TRRAP: variants seen among roughly 807,000 people sequenced by gnomAD.
TRRAP encodes transformation/transcription domain-associated protein.
TRRAP carries 41 observed loss-of-function variants against 438.8 expected under a neutral mutation model. The observed-to-expected ratio is 0.09, with a 90% CI of 0.07 to 0.12. The LOEUF is 0.12. TRRAP is among the 10% of genes least tolerant of loss of function. TRRAP has a pLI of 1.00. For synonymous variants in TRRAP, 1,994 were observed against 1,962.9 expected (o/e 1.02, Z -0.42); for missense variants, 3,122 against 5,055.1 (o/e 0.62, Z 11.60).
intron 3 of TRRAP, among the ~76,000 whole-genome samples, chr7:98,886,282 T>C (rs1795689871): frequency 6.6e-6 from 1 of 151,972 alleles, no homozygotes; most frequent in Non-Finnish European, 1.5e-5. Flanking sequence ...AATATATCTA[T>C]ATCTATATCT....
intron 6 of TRRAP, 55 bp from the exon 7 acceptor site, chr7:98,895,709 G>T: frequency 7.1e-7 from 1 of 1,413,048 alleles, no homozygotes; most frequent in Non-Finnish European, 9.7e-7. Context: ...TATTTATTAT[G>T]GGTATTTTCT....
chr7:98,913,654 A>G (rs1789382513), intron 18 of TRRAP, among the ~76,000 whole-genome samples: 1 of 152,128 alleles, frequency 6.6e-6, no homozygotes, highest in African/African-American at 2.4e-5. Context: ...ACATTTCAGG[A>G]CTATTTCTTT....
intron 7 of TRRAP, among the ~76,000 whole-genome samples, chr7:98,897,477 A>G (rs1160194191): frequency 6.6e-6 from 1 of 152,200 alleles, no homozygotes; most frequent in Non-Finnish European, 1.5e-5. Context: ...TTGAAGATGG[A>G]GAACATGGTC....
intron 3 of TRRAP, 103 bp downstream of exon 3, chr7:98,882,127 G>A (rs1795470500): frequency 5.0e-6 from 5 of 993,070 alleles, no homozygotes; most frequent in Non-Finnish European, 7.4e-6. Flanking sequence ...AAAGATCATT[G>A]TCTTTGTTCA....
chr7:98,958,645 A>G (rs1791738877), intron 44 of TRRAP, among the ~76,000 whole-genome samples: 1 of 152,200 alleles, frequency 6.6e-6, no homozygotes, highest in East Asian at 1.9e-4. Flanking sequence ...AGTGGTAATA[A>G]AATAATGATG....
intron 33 of TRRAP, among the ~76,000 whole-genome samples, chr7:98,947,698 C>T (rs1791148911): frequency 6.6e-6 from 1 of 152,172 alleles, no homozygotes; most frequent in Non-Finnish European, 1.5e-5. Flanking sequence ...TCAGGTGATC[C>T]ACCCGCCTCA....
chr7:99,008,525 T>G lies in TRRAP; in HGVS notation c.10902T>G (p.Ala3634=), dbSNP rs759133641. The G allele has an allele frequency of 1.9e-6, 3 of 1,613,908 alleles. No individual in the cohort carries two copies. In the African/African-American group the frequency reaches 4.0e-5, roughly 22 times the overall value. ...TCTCCCGTTACTATGACCGGCTGGC[T>G]ACGGTGCAGGCGCGGGGAACCCAAG... ...NPISRYYDRL[A]TVQARGTQAS... Residue 3634 remains alanine, a synonymous_variant, in exon 70 of 73, where the codon GCT becomes GCG. Coordinates refer to ENST00000456197, the MANE Select transcript of TRRAP (RefSeq NM_001375524.1).
Position 98,984,058 on chromosome 7 carries a change from G to T in TRRAP, c.9023-35G>T, listed in dbSNP as rs199850040. 20 of 1,532,136 alleles carry T rather than the reference G, an allele frequency of 1.3e-5. No homozygotes were observed. In the East Asian group the frequency reaches 4.6e-4, roughly 35 times the overall value. 94.9% of individuals were successfully genotyped at this position (1,532,136 alleles called of 1,614,324 possible). A position where few individuals can be genotyped will look rare whatever the true frequency, so the allele number is the denominator to read the frequency against. ...TTGTGAAGTGCTTTGAAAGAGGATC[G>T]GTGTGGGCTAATGATTCCTTTCTTT... On this transcript the variant is annotated intron_variant, in intron 60 of 72. Transcript: ENST00000456197.
chr7:98,979,058 C>G (rs1792793302), intron 58 of TRRAP, among the ~76,000 whole-genome samples, 154 bp downstream of exon 58: 1 of 152,208 alleles, frequency 6.6e-6, no homozygotes, highest in Non-Finnish European at 1.5e-5. Flanking sequence ...TAACACCTTT[C>G]CTGAATTTGA....
At chr7:99,006,049 C>A (rs1794150178) in intron 69 of TRRAP, among the ~76,000 whole-genome samples, 1 of 152,228 alleles carries the variant, frequency 6.6e-6, no homozygotes, top group Non-Finnish European at 1.5e-5. Flanking sequence ...TCGGGAAAGT[C>A]TAGCTGCCCT....
chr7:98,957,017 G>A (rs375068437), intron 43 of TRRAP, among the ~76,000 whole-genome samples: 8 of 152,196 alleles, frequency 5.3e-5, no homozygotes, highest in South Asian at 2.1e-4. Flanking sequence ...TTCTGGCTTC[G>A]TAGGCCTGAG....
In TRRAP at chr7:98,976,266, C is replaced by T. The variant is rs1213436487; in HGVS notation, c.7957C>T (p.His2653Tyr). 1.2e-6 allele frequency: 2 copies of T among 1,614,012 alleles called. No homozygotes were observed. Among genetic ancestry groups the T allele is most frequent in the African/African-American group, 2.7e-5 (2 of 74,934 alleles). The change falls in exon 54 of 73, where the codon CAT becomes TAT. Residue 2653 changes from histidine to tyrosine, a missense_variant and splice_region_variant. His to Tyr is a moderately conservative substitution (Grantham distance 83). Coordinates refer to ENST00000456197, the MANE Select transcript of TRRAP (RefSeq NM_001375524.1). This position sits in a 1 kb window ranked among gnomAD's most constrained non-coding sequence, Gnocchi z 4.6. ...LWKILSDRQQ[H>Y]ALAGEISPFL... ...GAAGATCCTCTCTGACAGACAGCAG[C>T]ATGTGAGTGTATCTTTAAAATCCTG...
intron 12 of TRRAP, among the ~76,000 whole-genome samples, chr7:98,905,860 G>C (rs1796703559): frequency 6.6e-6 from 1 of 152,174 alleles, no homozygotes; most frequent in Admixed American, 6.5e-5. Flanking sequence ...TTTAAGGATG[G>C]TGGGATGTGC....
rs886905851 is a variant in TRRAP at position 98,994,425 on chromosome 7, G to A, written c.10048-162G>A. ...CCCATGTGGCATGCACAGGCGTCCC[G>A]TTTCTTGCACACGCCGATTTCATGC... On this transcript the variant is annotated intron_variant, in intron 66 of 72. Transcript: ENST00000456197. This position sits in a 1 kb window ranked among gnomAD's most constrained non-coding sequence, Gnocchi z 4.8. Among the ~76,000 whole-genome samples the A allele has an allele frequency of 6.6e-6, 1 of 152,200 alleles. No individual in the cohort carries two copies. Among genetic ancestry groups the A allele is most frequent in the African/African-American group, 2.4e-5 (1 of 41,464 alleles).
chr7:98,951,083 G>GTT, intron 39 of TRRAP, 79 bp downstream of exon 39: 1 of 1,320,858 alleles, frequency 7.6e-7, no homozygotes, highest in Non-Finnish European at 9.8e-7. Context: ...GTGTGTGTGT[G>GTT]TGTGTGTGTG....
At chr7:98,892,842 T>C (rs1340708392) in intron 5 of TRRAP, among the ~76,000 whole-genome samples, 1 of 152,226 alleles carries the variant, frequency 6.6e-6, no homozygotes, top group Non-Finnish European at 1.5e-5. Context: ...GTTCTTTCCG[T>C]GTGTATCTCC....
intron 52 of TRRAP, among the ~76,000 whole-genome samples, chr7:98,971,552 C>CA (rs562247133): frequency 6.6e-5 from 10 of 152,252 alleles, no homozygotes; most frequent in South Asian, 6.2e-4. Flanking sequence ...GTGCTTTTGA[C>CA]AAAAAACCCA....
intron 30 of TRRAP, among the ~76,000 whole-genome samples, chr7:98,942,570 A>G (rs1790843730): frequency 6.6e-6 from 1 of 152,344 alleles, no homozygotes; most frequent in Non-Finnish European, 1.5e-5. Flanking sequence ...GGGCTCCGCA[A>G]GGAGAGGGAC....
At chr7:98,897,698 G>A in intron 7 of TRRAP, 43 bp from the exon 8 acceptor site, 1 of 1,518,264 alleles carries the variant, frequency 6.6e-7, no homozygotes, top group South Asian at 1.2e-5. Flanking sequence ...AATGAATATT[G>A]GGTTTGACTT....
Sources: gnomAD v4.1 joint callset for allele counts (sites outside exome capture counted in the v4.1 genomes callset) on GRCh38, gnomAD v4.1.1 for gene constraint, Gnocchi (gnomAD v3.1) non-coding constraint, MANE v1.5 for transcripts, NCBI Gene and HGNC (gene_info 2026-07-23, HGNC 2026-07-21) for gene names.